The following SMC6 variants were observed in gnomAD, a reference collection of about 807,000 sequenced individuals.
The protein encoded by SMC6 is structural maintenance of chromosomes 6.
A neutral mutation model predicts 142.2 loss-of-function variants in SMC6; 79 were observed. The ratio of observed to expected loss-of-function variants is 0.56; its 90% confidence interval spans 0.46 to 0.67. The LOEUF is 0.67. Among genes scored for constraint, SMC6 ranks in the 30% least tolerant of loss-of-function variants. The probability of loss-of-function intolerance (pLI) is 0.00; values close to 1 mark genes in which losing one functional copy is unlikely to be tolerated. For missense variants in SMC6, 1,072 were observed against 1,284.0 expected (o/e 0.83, Z 2.52); for synonymous variants, 411 against 412.4 (o/e 1.00, Z 0.04).
chr2:17,731,014 T>G, intron 7 of SMC6, 64 bp downstream of exon 7: 11 of 1,300,914 alleles, frequency 8.5e-6, no homozygotes, highest in Non-Finnish European at 1.2e-5. Flanking sequence ...TCTACACAAG[T>G]GAAATCGCAC....
At chr2:17,683,143 T>C (rs1177910126) in intron 24 of SMC6, among the ~76,000 whole-genome samples, 1 of 152,164 alleles carries the variant, frequency 6.6e-6, no homozygotes, top group Non-Finnish European at 1.5e-5. Context: ...ATATCCAGTT[T>C]CCCTAATTCT....
At chr2:17,739,388 T>C (rs949027055) in intron 4 of SMC6, among the ~76,000 whole-genome samples, 5 of 152,054 alleles carry the variant, frequency 3.3e-5, no homozygotes, top group Non-Finnish European at 7.4e-5. Flanking sequence ...TTCACGCCTG[T>C]AATCACAGCA....
Position 17,678,864 on chromosome 2 carries a change from T to C in SMC6, c.2905A>G (p.Ile969Val), listed in dbSNP as rs1667119686. 6.3e-7 allele frequency: 1 copy of C among 1,587,266 alleles called. No individual in the cohort carries two copies. Among genetic ancestry groups the C allele is most frequent in the Admixed American group, 1.7e-5 (1 of 59,150 alleles). Residue 969 changes from isoleucine to valine, a missense_variant, in exon 25 of 28, where the codon ATA becomes GTA. By Grantham distance (29) the Ile-to-Val change is conservative. Coordinates refer to ENST00000448223, the MANE Select transcript of SMC6 (RefSeq NM_001142286.2). Reference sequence around the variant, plus strand: ...AAAAGAATTAGGATACTTACTGATATACTTAGAGTTTCATTCTTGTGGTCA... The same window carrying C: ...AAAAGAATTAGGATACTTACTGATACACTTAGAGTTTCATTCTTGTGGTCA... ...NFDHKNETLS[I>V]SVQPGEGNKA...
intron 17 of SMC6, 43 bp downstream of exon 17, chr2:17,708,596 T>C (rs1379689921): frequency 9.2e-7 from 1 of 1,083,132 alleles, no homozygotes; most frequent in African/African-American, 1.6e-5. Context: ...GTTTTAAAAA[T>C]TTAACAATAA....
At chr2:17,672,951 C>A (rs1490609107) in intron 25 of SMC6, among the ~76,000 whole-genome samples, 1 of 152,040 alleles carries the variant, frequency 6.6e-6, no homozygotes, top group Non-Finnish European at 1.5e-5. Flanking sequence ...TGGGTTTATG[C>A]CCAAGAATGG....
intron 18 of SMC6, among the ~76,000 whole-genome samples, chr2:17,706,227 AT>A (rs1241154948): frequency 3.3e-5 from 5 of 151,968 alleles, no homozygotes; most frequent in African/African-American, 4.8e-5. Context: ...TTCACAGGTA[AT>A]TTTTTTTATG....
intron 24 of SMC6, among the ~76,000 whole-genome samples, chr2:17,683,289 G>A (rs1297724190): frequency 6.6e-6 from 1 of 152,160 alleles, no homozygotes; most frequent in Admixed American, 6.5e-5. Flanking sequence ...TAAATCAACT[G>A]AGGTATTACC....
Position 17,701,829 on chromosome 2 carries a change from C to CA in SMC6, c.2222dup (p.Leu741PhefsTer4). 6.5e-7 allele frequency: 1 copy of CA among 1,536,690 alleles called. No individual in the cohort carries two copies. Among genetic ancestry groups the CA allele is most frequent in the Non-Finnish European group, 8.8e-7 (1 of 1,132,738 alleles). ...TTTAAATTGAAAAAAAGTATTTTAC[C>CA]AAAGTTGCAATATCTACAGACTGGT... On this transcript the variant is annotated frameshift_variant and splice_region_variant, in exon 20 of 28. Coordinates refer to ENST00000448223, the MANE Select transcript of SMC6 (RefSeq NM_001142286.2). LOFTEE classifies it high-confidence loss of function.
At chr2:17,685,128 GAA>G (rs60207604) in intron 23 of SMC6, among the ~76,000 whole-genome samples, 1 of 143,632 alleles carries the variant, frequency 7.0e-6, no homozygotes, top group Non-Finnish European at 1.5e-5. Context: ...CAAGCAAAAT[GAA>G]AAAAAAAGAC....
In SMC6 at chr2:17,678,754, C is replaced by G. The variant is rs894364963; in HGVS notation, c.2910+105G>C. ...TTGTACCACTGCACTCCAGCCTGGG[C>G]AACAGAGTAAGACTCTGCCTCTAAA... On this transcript the variant is annotated intron_variant, in intron 25 of 27. Coordinates refer to ENST00000448223, the MANE Select transcript of SMC6 (RefSeq NM_001142286.2). 3 of 764,634 alleles carry G rather than the reference C, an allele frequency of 3.9e-6. No individual in the cohort carries two copies. In the Admixed American group the frequency reaches 8.5e-5, roughly 22 times the overall value. The allele number at this position is 764,634 out of a possible 1,614,324, so 47.4% of individuals were successfully genotyped here. A position where few individuals can be genotyped will look rare whatever the true frequency, so the allele number is the denominator to read the frequency against.
chr2:17,735,115 C>G (rs11679582), intron 5 of SMC6, among the ~76,000 whole-genome samples: 46,219 of 151,528 alleles, frequency 0.31, 7,726 homozygotes, highest in Non-Finnish European at 0.38. Flanking sequence ...TACTGCTAAA[C>G]AAACAAAAAA....
intron 25 of SMC6, among the ~76,000 whole-genome samples, chr2:17,674,350 A>G (rs1347838995): frequency 6.6e-6 from 1 of 152,168 alleles, no homozygotes; most frequent in Non-Finnish European, 1.5e-5. Flanking sequence ...ATTTTCTAAC[A>G]TTCATTAAGT....
At chr2:17,716,998 A>T in intron 13 of SMC6, 90 bp downstream of exon 13, 2 of 1,517,070 alleles carry the variant, frequency 1.3e-6, no homozygotes, top group Non-Finnish European at 1.8e-6. Flanking sequence ...TTCCATTAAC[A>T]ACAATACATA....
chr2:17,743,617 G>A (rs115295801), intron 3 of SMC6, among the ~76,000 whole-genome samples: 1,692 of 152,172 alleles, frequency 0.011, 25 homozygotes, highest in African/African-American at 0.039. Flanking sequence ...TCCACAGTCT[G>A]TACTAGGGTT....
At chr2:17,704,994 C>T (rs1384518051) in intron 18 of SMC6, among the ~76,000 whole-genome samples, 1 of 151,830 alleles carries the variant, frequency 6.6e-6, no homozygotes, top group Non-Finnish European at 1.5e-5. Flanking sequence ...CGGTGGCTCA[C>T]GCCTCTAATC....
At position 17,684,306 on chromosome 2, in the gene SMC6, C is replaced by T. The variant is rs1260750843; in HGVS notation, c.2679-543G>A. 2.6e-5 allele frequency among the ~76,000 whole-genome samples: 4 copies of T among 152,154 alleles called. No homozygotes were observed. The East Asian group carries it at 7.7e-4, about 29-fold the overall frequency. ...AATTAGCATGAAAGGCAACCCTGGT[C>T]GAGGCTCCCACAGCTACCCTTCCCA... is the stretch of plus-strand genomic sequence containing the variant. On this transcript the variant is annotated intron_variant, in intron 23 of 27. Coordinates refer to ENST00000448223, the MANE Select transcript of SMC6 (RefSeq NM_001142286.2).
intron 23 of SMC6, among the ~76,000 whole-genome samples, chr2:17,686,579 C>T (rs1216086572): frequency 6.6e-6 from 1 of 152,118 alleles, no homozygotes; most frequent in Non-Finnish European, 1.5e-5. Context: ...CACACCTGAC[C>T]TCATGGGACA....
intron 16 of SMC6, among the ~76,000 whole-genome samples, chr2:17,710,959 T>A (rs1312203052): frequency 1.3e-5 from 2 of 151,802 alleles, no homozygotes; most frequent in Non-Finnish European, 2.9e-5. Context: ...TAAGAAAGAA[T>A]AGGGTATGGG....
chr2:17,672,722 T>C (rs879306763), intron 25 of SMC6, among the ~76,000 whole-genome samples: 5 of 152,218 alleles, frequency 3.3e-5, no homozygotes, highest in Non-Finnish European at 5.9e-5. Context: ...TCCTTGTAAC[T>C]GGCTTCTCTC....
Sources: gnomAD v4.1 joint callset for allele counts (sites outside exome capture counted in the v4.1 genomes callset) on GRCh38, gnomAD v4.1.1 for gene constraint, MANE v1.5 for transcripts, NCBI Gene and HGNC (gene_info 2026-07-23, HGNC 2026-07-21) for gene names.